Variants in SGF29 observed in about 807,000 individuals in gnomAD.
SGF29 encodes the protein SAGA-associated factor 29.
In SGF29, 15 loss-of-function variants were observed where a neutral mutation model predicts 38.1. The ratio of observed to expected loss-of-function variants is 0.39; its 90% confidence interval spans 0.26 to 0.61. The LOEUF (loss-of-function observed/expected upper bound fraction) is 0.61, where lower values mean the gene tolerates loss of function less well. Among genes scored for constraint, SGF29 ranks in the 20% least tolerant of loss-of-function variants. The probability of loss-of-function intolerance (pLI) is 0.49; values close to 1 mark genes in which losing one functional copy is unlikely to be tolerated. For missense variants in SGF29, 184 were observed against 394.6 expected (o/e 0.47, Z 4.52); for synonymous variants, 151 against 160.8 (o/e 0.94, Z 0.46).
At chr16:28,559,377 C>G (rs2046772089) in intron 1 of SGF29, among the ~76,000 whole-genome samples, 1 of 136,190 alleles carries the variant, frequency 7.3e-6, no homozygotes, top group African/African-American at 2.6e-5. Context: ...CTTCATTAAG[C>G]TGTTTTTGTT....
At chr16:28,556,339 TTTTGTTTG>T (rs377033677) in intron 1 of SGF29, among the ~76,000 whole-genome samples, 1 of 151,152 alleles carries the variant, frequency 6.6e-6, no homozygotes, top group African/African-American at 2.4e-5. Flanking sequence ...CTGGCTAATT[TTTTGTTTG>T]TTTGTTTGTT....
chr16:28,586,489 A>C (rs1202735270), intron 4 of SGF29, among the ~76,000 whole-genome samples: 1 of 151,860 alleles, frequency 6.6e-6, no homozygotes, highest in Non-Finnish European at 1.5e-5. Flanking sequence ...CCTGGGCAAC[A>C]GAGCAAGGCT....
At chr16:28,566,163 A>G (rs971403361) in intron 1 of SGF29, among the ~76,000 whole-genome samples, 1 of 151,722 alleles carries the variant, frequency 6.6e-6, no homozygotes, top group Non-Finnish European at 1.5e-5. Flanking sequence ...AGTCCCAGCT[A>G]CTCAGGAGGC....
chr16:28,588,463 T>C (rs1196866963), intron 4 of SGF29: 4 of 333,240 alleles, frequency 1.2e-5, no homozygotes, highest in African/African-American at 6.7e-5. Flanking sequence ...CTGTGTCCTT[T>C]CCTCTCTGGG....
chr16:28,570,896 G>A (rs1391447588), intron 1 of SGF29, among the ~76,000 whole-genome samples: 1 of 151,986 alleles, frequency 6.6e-6, no homozygotes, highest in East Asian at 1.9e-4. Flanking sequence ...TGATTTAGAT[G>A]ATAGATGAGA....
intron 1 of SGF29, among the ~76,000 whole-genome samples, chr16:28,561,300 A>C (rs1039184351): frequency 9.9e-5 from 15 of 152,138 alleles, no homozygotes; most frequent in Non-Finnish European, 8.8e-5. Context: ...TGGGAGGCTG[A>C]GGCAGGCAGA....
At chr16:28,587,938 T>C (rs2046964372) in intron 4 of SGF29, among the ~76,000 whole-genome samples, 1 of 152,110 alleles carries the variant, frequency 6.6e-6, no homozygotes, top group Non-Finnish European at 1.5e-5. Flanking sequence ...TAGCTGGGAT[T>C]ATAGACGCCC....
intron 1 of SGF29, among the ~76,000 whole-genome samples, chr16:28,561,782 C>T (rs1018851820): frequency 2.6e-5 from 4 of 152,282 alleles, no homozygotes; most frequent in South Asian, 4.2e-4. Flanking sequence ...TCTGATAAAA[C>T]CAGCCACTTG....
intron 4 of SGF29, 97 bp from the exon 5 acceptor site, chr16:28,589,003 T>C: frequency 7.6e-7 from 1 of 1,322,946 alleles, no homozygotes; most frequent in Non-Finnish European, 1.1e-6. Context: ...GGGACCAGCC[T>C]GGGCAATGTA....
At chr16:28,565,560 C>T (rs747773888) in intron 1 of SGF29, among the ~76,000 whole-genome samples, 6 of 152,104 alleles carry the variant, frequency 3.9e-5, no homozygotes, top group East Asian at 1.9e-4. Flanking sequence ...TGCAATGGCG[C>T]GATTTTGGCT....
intron 1 of SGF29, among the ~76,000 whole-genome samples, chr16:28,566,108 CT>C (rs1355310259): frequency 2.6e-5 from 4 of 151,510 alleles, no homozygotes; most frequent in African/African-American, 9.7e-5. Flanking sequence ...CCCGTCTCTA[CT>C]AAAAATACAA....
At position 28,581,056 on chromosome 16, in the gene SGF29, T is replaced by G; in HGVS notation, c.-14T>G. 1 of 1,612,592 alleles carries G rather than the reference T, an allele frequency of 6.2e-7. No individual in the cohort carries two copies. The highest frequency in any genetic ancestry group is 8.5e-7 in the Non-Finnish European group (1 of 1,178,962). ...CTTCTGTCCTCGCTCCCCCACCAGG[T>G]GCCCCTGTAGACAATGGCCCTCGTG... On this transcript the variant is annotated splice_region_variant and 5_prime_UTR_variant, in exon 2 of 10. Coordinates refer to ENST00000317058, the MANE Select transcript of SGF29 (RefSeq NM_138414.3).
intron 1 of SGF29, among the ~76,000 whole-genome samples, chr16:28,575,276 G>C (rs947162344): frequency 6.6e-6 from 1 of 152,156 alleles, no homozygotes; most frequent in Non-Finnish European, 1.5e-5. Context: ...AGCTGTGGTG[G>C]TAAAAACAGT....
intron 5 of SGF29, 81 bp downstream of exon 5, chr16:28,589,245 G>A (rs1476903920): frequency 1.4e-6 from 2 of 1,463,068 alleles, no homozygotes; most frequent in East Asian, 2.3e-5. Flanking sequence ...CCCTCCTGTG[G>A]GGGCCTGTGG....
chr16:28,579,857 G>A (rs1162595656), intron 1 of SGF29, among the ~76,000 whole-genome samples: 1 of 151,928 alleles, frequency 6.6e-6, no homozygotes, highest in Non-Finnish European at 1.5e-5. Flanking sequence ...CTTGAACCTG[G>A]GAGGCAGAGA....
At chr16:28,578,687 A>G (rs28410022) in intron 1 of SGF29, among the ~76,000 whole-genome samples, 2 of 141,162 alleles carry the variant, frequency 1.4e-5, no homozygotes, top group African/African-American at 5.4e-5. Flanking sequence ...ACAACTTTAA[A>G]AAAAAAAAAA....
Position 28,591,749 on chromosome 16 carries a change from G to C in SGF29, c.*43G>C, listed in dbSNP as rs750137474. The C allele has an allele frequency of 6.8e-7, 1 of 1,463,306 alleles. No homozygotes were observed. 90.6% of individuals were successfully genotyped at this position (1,463,306 alleles called of 1,614,324 possible). A position where few individuals can be genotyped will look rare whatever the true frequency, so the allele number is the denominator to read the frequency against. On this transcript the variant is annotated 3_prime_UTR_variant, in exon 10 of 10. Coordinates refer to ENST00000317058, the MANE Select transcript of SGF29 (RefSeq NM_138414.3). ...GCCATCCCCCAACGACACAGGGCAG[G>C]ACAGCAGAGGACGTGCTGGGATTAA...
intron 1 of SGF29, among the ~76,000 whole-genome samples, chr16:28,565,393 AG>A (rs2046830162): frequency 6.6e-6 from 1 of 152,178 alleles, no homozygotes. Context: ...GTATGTAAGC[AG>A]GTGTGCAGTG....
At chr16:28,564,711 A>ATATATGTG (rs2046821619) in intron 1 of SGF29, among the ~76,000 whole-genome samples, 13 of 93,336 alleles carry the variant, frequency 1.4e-4, no homozygotes, top group Admixed American at 1.1e-3. Context: ...ATATATACAT[A>ATATATGTG]TATATGTATA....
Sources: gnomAD v4.1 joint callset for allele counts (sites outside exome capture counted in the v4.1 genomes callset) on GRCh38, gnomAD v4.1.1 for gene constraint, MANE v1.5 for transcripts, NCBI Gene and HGNC (gene_info 2026-07-23, HGNC 2026-07-21) for gene names.